ARMCX4: variants seen among roughly 807,000 people sequenced by gnomAD.
ARMCX4 encodes armadillo repeat-containing X-linked protein 4.
Under a neutral mutation model 34.7 loss-of-function variants are expected in ARMCX4, and 3 were observed. The ratio of observed to expected loss-of-function variants is 0.09; its 90% CI spans 0.04 to 0.22. The LOEUF (loss-of-function observed/expected upper bound fraction) is 0.22, where lower values mean the gene tolerates loss of function less well. Ranked by LOEUF, ARMCX4 falls within the 10% of genes least tolerant of loss-of-function variation. ARMCX4 has a pLI of 1.00. For synonymous variants in ARMCX4, 513 were observed against 632.8 expected, an observed-to-expected ratio of 0.81 and a Z score of 2.84; for missense variants, 1,448 against 1,720.8, an observed-to-expected ratio of 0.84 and a Z score of 2.81.
At chrX:101,502,990 G>A (rs112990582) in intron 7 of ARMCX4, among the ~76,000 whole-genome samples, 19 of 88,262 alleles carry the variant, frequency 2.2e-4, no homozygotes, top group African/African-American at 8.4e-4. Context: ...CTGTGTCCAT[G>A]TGTTCTCATT....
In ARMCX4 at chrX:101,495,617, G is replaced by T; in HGVS notation, c.*155G>T. ...ATGAACACCAAATGAATTCAAGCTT[G>T]TACTAAAAATACATGTGTTGATTTT... On this transcript the variant is annotated 3_prime_UTR_variant, in exon 6 of 6. Transcript: ENST00000423738. The T allele has an allele frequency of 4.2e-6, 2 of 481,523 alleles. No homozygotes were observed. The highest frequency in any genetic ancestry group is 6.2e-6 in the Non-Finnish European group (2 of 320,873). The allele number at this position is 481,523 out of a possible 1,213,427, so 39.7% of individuals were successfully genotyped here. A position where few individuals can be genotyped will look rare whatever the true frequency, so the allele number is the denominator to read the frequency against.
intron 4 of ARMCX4, among the ~76,000 whole-genome samples, chrX:101,477,898 C>T (rs1446903341): frequency 2.7e-5 from 3 of 111,881 alleles, no homozygotes; most frequent in African/African-American, 9.7e-5. Context: ...ATGATAATCT[C>T]AATAGGAACC....
downstream of ARMCX4, chrX:101,499,033 G>A (rs1469712821): frequency 8.9e-6 from 1 of 111,966 alleles, no homozygotes; most frequent in Admixed American, 9.5e-5. Flanking sequence ...GTGTAATAAG[G>A]AAAGAAAGAG....
intron 12 of ARMCX4, chrX:101,532,961 C>G (rs1556022536): frequency 9.0e-6 from 1 of 110,651 alleles, no homozygotes; most frequent in Non-Finnish European, 1.9e-5. Context: ...AATAGAATAA[C>G]AAGAATAGAT....
chrX:101,438,090 T>G (rs1322297155), intron 2 of ARMCX4, among the ~76,000 whole-genome samples: 1 of 111,822 alleles, frequency 8.9e-6, no homozygotes, highest in Non-Finnish European at 1.9e-5. Context: ...AAGTATGTGG[T>G]CAATTTTGGA....
rs782366556 is a variant in ARMCX4 at position 101,490,518 on chromosome X, C to A, written c.1929C>A (p.Gly643=). ...VVSFQGEALL[G]TKNKVKGNPN... is the part of the protein sequence containing the mutation. ...GTTTCCAGGGTGAGGCCTTGCTTGG[C>A]ACCAAGAATAAAGTTAAGGGTAATC... The change falls in exon 6 of 6, where the codon GGC becomes GGA. Residue 643 remains glycine, a synonymous_variant. Coordinates refer to ENST00000423738, the MANE Select transcript of ARMCX4 (RefSeq NM_001256155.3). 8.7e-7 allele frequency: 1 copy of A among 1,153,115 alleles called. No individual in the cohort carries two copies. Among genetic ancestry groups the A allele is most frequent in the South Asian group, 1.9e-5 (1 of 52,520 alleles).
At chrX:101,424,181 C>T (rs782085459) in intron 2 of ARMCX4, among the ~76,000 whole-genome samples, 19 of 111,079 alleles carry the variant, frequency 1.7e-4, no homozygotes, top group Non-Finnish European at 2.6e-4. Context: ...TATAAAAACC[C>T]GAAAGAATTG....
intron 11 of ARMCX4, chrX:101,516,458 T>C (rs782596756): frequency 2.7e-5 from 3 of 111,882 alleles, no homozygotes; most frequent in African/African-American, 9.7e-5. Flanking sequence ...ACAAAATGTC[T>C]TTTTCTCTTA....
chrX:101,493,179 T>C lies in ARMCX4; in HGVS notation c.4590T>C (p.Asp1530=). 8.7e-7 allele frequency: 1 copy of C among 1,152,753 alleles called. No homozygotes were observed. The highest frequency in any genetic ancestry group is 1.1e-6 in the Non-Finnish European group (1 of 871,669). 95.0% of individuals were successfully genotyped at this position (1,152,753 alleles called of 1,213,427 possible). A position where few individuals can be genotyped will look rare whatever the true frequency, so the allele number is the denominator to read the frequency against. ...CTTGGGGTGGGGCTAGTGGCCAGGA[T>C]GTTGGAGGGTCTAGGCCAGGGCCCA... ...GGSWGGASGQ[D]VGGSRPGPTN... is the part of the protein sequence containing the mutation. Residue 1530 remains aspartate (D), a synonymous_variant, in exon 6 of 6, where the codon GAT becomes GAC. Coordinates refer to ENST00000423738, the MANE Select transcript of ARMCX4 (RefSeq NM_001256155.3).
At chrX:101,430,688 G>C (rs1929942378) in intron 2 of ARMCX4, among the ~76,000 whole-genome samples, 1 of 112,133 alleles carries the variant, frequency 8.9e-6, no homozygotes, top group East Asian at 2.8e-4. Context: ...ATAATCTCCA[G>C]ACAAGGCTTT....
intron 2 of ARMCX4, among the ~76,000 whole-genome samples, chrX:101,436,835 T>G (rs1331089565): frequency 8.9e-6 from 1 of 111,885 alleles, no homozygotes; most frequent in Non-Finnish European, 1.9e-5. Flanking sequence ...ACCTAATTTA[T>G]TGAGAGTTTT....
upstream of ARMCX4, among the ~76,000 whole-genome samples, chrX:101,483,916 C>T (rs1240131188): frequency 9.0e-6 from 1 of 111,194 alleles, no homozygotes; most frequent in Non-Finnish European, 1.9e-5. Flanking sequence ...TTTCAATGTT[C>T]TAAGAAAGAG....
chrX:101,530,448 C>G (rs1556021853), intron 11 of ARMCX4, among the ~76,000 whole-genome samples: 1 of 109,780 alleles, frequency 9.1e-6, no homozygotes, highest in African/African-American at 3.3e-5. Context: ...CAAACCTGCA[C>G]GTTGTGCACA....
At chrX:101,521,409 T>C (rs1244648000) in intron 11 of ARMCX4, among the ~76,000 whole-genome samples, 2 of 111,544 alleles carry the variant, frequency 1.8e-5, no homozygotes, top group African/African-American at 6.5e-5. Flanking sequence ...GTAATTTCCC[T>C]GTTTCATTCT....
At chrX:101,484,667 T>C (rs1933611699), upstream of ARMCX4, among the ~76,000 whole-genome samples, 1 of 112,621 alleles carries the variant, frequency 8.9e-6, no homozygotes, top group African/African-American at 3.2e-5. Context: ...GATTAACTTA[T>C]AGATCATATT....
At chrX:101,517,596 T>C (rs1934770305) in intron 11 of ARMCX4, among the ~76,000 whole-genome samples, 1 of 111,929 alleles carries the variant, frequency 8.9e-6, no homozygotes, top group Non-Finnish European at 1.9e-5. Flanking sequence ...TTTACTTTTG[T>C]ATTTTGAAGT....
At chrX:101,504,615 G>T (rs1934401628) in intron 7 of ARMCX4, among the ~76,000 whole-genome samples, 2 of 111,021 alleles carry the variant, frequency 1.8e-5, no homozygotes, top group Non-Finnish European at 3.8e-5. Flanking sequence ...TGGTCTTATA[G>T]TCAGTTCTGG....
intron 8 of ARMCX4, among the ~76,000 whole-genome samples, chrX:101,508,915 C>G (rs917900880): frequency 9.0e-6 from 1 of 111,013 alleles, no homozygotes; most frequent in East Asian, 2.8e-4. Context: ...TTGCTTTATT[C>G]TTATTTTAGT....
chrX:101,483,153 C>CA (rs1933536706), upstream of ARMCX4, among the ~76,000 whole-genome samples: 1 of 109,545 alleles, frequency 9.1e-6, no homozygotes, highest in Admixed American at 9.9e-5. Context: ...TTCGGCCTCC[C>CA]AAAGTGCTGG....
Sources: allele counts gnomAD v4.1 joint callset (sites outside exome capture counted in the v4.1 genomes callset), GRCh38; gene constraint gnomAD v4.1.1; transcripts MANE v1.5; gene names NCBI Gene and HGNC (gene_info 2026-07-23, HGNC 2026-07-21).